The following LTBP2 variants were observed in gnomAD, a reference collection of about 807,000 sequenced individuals.
LTBP2 encodes latent transforming growth factor beta binding protein 2.
A neutral mutation model predicts 210.6 loss-of-function variants in LTBP2; 103 were observed. The observed-to-expected ratio is 0.49, with a 90% CI of 0.42 to 0.58. LTBP2 has a LOEUF of 0.58. LTBP2 is among the 20% of genes least tolerant of loss of function. The pLI, the probability that LTBP2 is intolerant of heterozygous loss-of-function variation, is 0.00. For missense variants in LTBP2, 2,313 were observed against 2,494.5 expected (o/e 0.93, Z 1.55); for synonymous variants, 1,007 against 1,015.0 (o/e 0.99, Z 0.15).
chr14:74,572,322 T>TGTGA (rs1555352299), intron 3 of LTBP2, among the ~76,000 whole-genome samples: 2 of 82,568 alleles, frequency 2.4e-5, no homozygotes, highest in Admixed American at 1.4e-4. Context: ...TGTGTGTGTG[T>TGTGA]GAGAGAGAGA....
chr14:74,592,042 A>ATG (rs2088290376), intron 2 of LTBP2, among the ~76,000 whole-genome samples: 5 of 152,212 alleles, frequency 3.3e-5, no homozygotes, highest in Non-Finnish European at 7.3e-5. Flanking sequence ...ATTTTTGGAA[A>ATG]CATTACTGAT....
chr14:74,513,148 G>A (rs1291686311), intron 18 of LTBP2, among the ~76,000 whole-genome samples: 3 of 152,248 alleles, frequency 2.0e-5, no homozygotes, highest in African/African-American at 7.2e-5. Flanking sequence ...GGGCCCTGAA[G>A]TCTGTCCTGC....
At chr14:74,527,272 C>A in intron 13 of LTBP2, 75 bp downstream of exon 13, 1 of 1,548,530 alleles carries the variant, frequency 6.5e-7, no homozygotes, top group Non-Finnish European at 8.8e-7. Context: ...GAGACACTGC[C>A]CTGGGGCCTG....
At chr14:74,585,711 G>A in intron 3 of LTBP2, 143 bp downstream of exon 3, 1 of 1,340,822 alleles carries the variant, frequency 7.5e-7, no homozygotes, top group Non-Finnish European at 1.0e-6. Context: ...GCCATGCCAG[G>A]GAAAGCCAAG....
At chr14:74,532,681 T>G in intron 9 of LTBP2, 133 bp from the exon 10 acceptor site, 1 of 995,384 alleles carries the variant, frequency 1.0e-6, no homozygotes, top group East Asian at 2.6e-5. Context: ...TTCAGTGGGA[T>G]TCCTCTCCCT....
chr14:74,539,331 GCTTCT>G (rs1289066917), intron 8 of LTBP2, among the ~76,000 whole-genome samples: 7 of 152,176 alleles, frequency 4.6e-5, no homozygotes, highest in Non-Finnish European at 7.3e-5. Flanking sequence ...CTTCCACTGT[GCTTCT>G]CTAAGAGAGA....
At chr14:74,555,785 C>T in intron 3 of LTBP2, 92 bp from the exon 4 acceptor site, 12 of 972,058 alleles carry the variant, frequency 1.2e-5, no homozygotes, top group Non-Finnish European at 1.7e-5. Flanking sequence ...TGCCTTTGCA[C>T]AAGAAAAATG....
Position 74,611,736 on chromosome 14 carries a change from C to T in LTBP2, c.209G>A (p.Ser70Asn), listed in dbSNP as rs1345773991. The T allele has an allele frequency of 6.9e-6, 11 of 1,603,616 alleles. No individual in the cohort carries two copies. The highest frequency in any genetic ancestry group is 9.3e-6 in the Non-Finnish European group (11 of 1,178,788). Residue 70 changes from serine (S) to asparagine (N), a missense_variant, in exon 1 of 36, where the codon AGT (serine) becomes AAT (asparagine). By Grantham distance (46) the Ser-to-Asn change is conservative. Coordinates refer to ENST00000261978, the MANE Select transcript of LTBP2 (RefSeq NM_000428.3). ...AGGCGCGTCCTGCTCCCGGAACAGA[C>T]TGTACACCTTGGCTGCAGCCGCTGC... Reference protein sequence around the residue: ...YPAAAAAKVYSLFREQDAPVA... With the variant: ...YPAAAAAKVYNLFREQDAPVA...
chr14:74,606,774 C>T (rs1275876795), intron 1 of LTBP2, among the ~76,000 whole-genome samples: 4 of 151,908 alleles, frequency 2.6e-5, no homozygotes, highest in African/African-American at 7.3e-5. Context: ...ACCCAGGAGG[C>T]GGAGGCTGCA....
rs144520047 is a variant in LTBP2, at chr14:74,502,918, C to T, written c.4905G>A (p.Leu1635=). The T allele has an allele frequency of 3.1e-6, 5 of 1,612,124 alleles. No homozygotes were observed. The East Asian group carries it at 1.1e-4, about 36-fold the overall frequency. The change falls in exon 34 of 36, where the codon CTG becomes CTA. Residue 1635 remains leucine, a synonymous_variant. Coordinates refer to ENST00000261978, the MANE Select transcript of LTBP2 (RefSeq NM_000428.3). ...PPRSSEVYAQ[L]CNVARIEAER... is the part of the protein sequence containing the mutation. ...CTGCCTCAATGCGAGCCACGTTGCACAGCTGAGCATAGACCTCTGTCAGGG... is the reference window on the plus strand; with the variant it reads ...CTGCCTCAATGCGAGCCACGTTGCATAGCTGAGCATAGACCTCTGTCAGGG...
Position 74,549,851 on chromosome 14 carries a change from TC to T in LTBP2, c.1789+11del. 1.2e-6 allele frequency: 2 copies of T among 1,609,576 alleles called. No individual in the cohort carries two copies. The highest frequency in any genetic ancestry group is 1.7e-6 in the Non-Finnish European group (2 of 1,175,976). On this transcript the variant is annotated intron_variant, in intron 8 of 35. Transcript: ENST00000261978. ...TCCTCCACAACACGTGACCTTGGAC[TC>T]CAGCACTCACCTGGTCTGGGTGGGC...
intron 3 of LTBP2, among the ~76,000 whole-genome samples, chr14:74,564,375 ATATATTTATAT>A: frequency 1.7e-5 from 1 of 59,680 alleles, no homozygotes; most frequent in Non-Finnish European, 3.1e-5. Flanking sequence ...ATTTATATAT[ATATATTTATAT>A]TTTATATATT....
chr14:74,528,599 C>T lies in LTBP2; in HGVS notation c.2252G>A (p.Arg751Lys). Reference protein sequence around the residue: ...MRKAEEEELARPPREQGQRSS... With the variant: ...MRKAEEEELAKPPREQGQRSS... ...CCTCTGCCCTTGCTCCCTTGGGGGC[C>T]TTGCCAGTTCCTCCTCCTCGGCTTT... is the stretch of plus-strand genomic sequence containing the variant. The change falls in exon 12 of 36, where the codon AGG (arginine) becomes AAG (lysine). Residue 751 changes from arginine (R) to lysine (K), a missense_variant. Physicochemically the swap from Arg to Lys is conservative, Grantham distance 26 (BLOSUM62 2). Transcript: ENST00000261978. The T allele has an allele frequency of 6.2e-7, 1 of 1,613,606 alleles. No homozygotes were observed. The highest frequency in any genetic ancestry group is 1.3e-5 in the African/African-American group (1 of 75,066).
chr14:74,508,477 A>C, intron 24 of LTBP2, 127 bp downstream of exon 24: 1 of 1,502,134 alleles, frequency 6.7e-7, no homozygotes, highest in Non-Finnish European at 8.9e-7. Flanking sequence ...ACTTGCTCTC[A>C]GTACTGGTAT....
intron 2 of LTBP2, among the ~76,000 whole-genome samples, chr14:74,590,876 C>G (rs140498170): frequency 6.6e-6 from 1 of 151,700 alleles, no homozygotes; most frequent in Non-Finnish European, 1.5e-5. Context: ...GGAAAAAAAA[C>G]TACATATTGG....
intron 27 of LTBP2, 74 bp downstream of exon 27, chr14:74,506,624 G>A (rs2086989034): frequency 1.9e-6 from 3 of 1,598,944 alleles, no homozygotes; most frequent in Admixed American, 3.3e-5. Flanking sequence ...ACGTGACCAG[G>A]ACCAGTTGAG....
chr14:74,535,984 C>G lies in LTBP2; in HGVS notation c.1806G>C (p.Glu602Asp). The change falls in exon 9 of 36, where the codon GAG becomes GAC. Residue 602 changes from glutamate (E) to aspartate (D), a missense_variant. This residue lies in a region of LTBP2 where 1,867 missense variants were observed against 1,976.9 expected (regional missense o/e 0.94). Transcript: ENST00000261978. ...CCTGAGGACACTCCAGCTGGCCATT[C>G]TCAATCACCGGGGAGGCTGAAGAGT... is the stretch of plus-strand genomic sequence containing the variant. ...CPPRPASPVIENGQLECPQGY... is the reference protein window; with the variant it reads ...CPPRPASPVIDNGQLECPQGY... 1.9e-6 allele frequency: 3 copies of G among 1,614,206 alleles called. No individual in the cohort carries two copies. The highest frequency in any genetic ancestry group is 2.5e-6 in the Non-Finnish European group (3 of 1,180,022).
At chr14:74,574,835 G>A (rs950752360) in intron 3 of LTBP2, among the ~76,000 whole-genome samples, 4 of 152,220 alleles carry the variant, frequency 2.6e-5, no homozygotes, top group African/African-American at 9.6e-5. Flanking sequence ...TGGGCCAGAT[G>A]TCCGCCTTCA....
In LTBP2 at chr14:74,500,932, C is replaced by T. The variant is rs773246040; in HGVS notation, c.5418G>A (p.Pro1806=). The T allele has an allele frequency of 6.2e-6, 10 of 1,614,058 alleles. No individual in the cohort carries two copies. The highest frequency in any genetic ancestry group is 4.0e-5 in the African/African-American group (3 of 74,928). The change falls in exon 36 of 36, where the codon CCG becomes CCA. Residue 1806 remains proline, a synonymous_variant. Transcript: ENST00000261978. The part of the protein sequence containing the change: ...TEGSYRCHCS[P]GYVAEAGPPH... ...GGGGCCCTGCCTCAGCCACATATCC[C>T]GGGGAGCAGTGGCAGCGGTAGGAGC...
Sources: gnomAD v4.1 joint callset for allele counts (sites outside exome capture counted in the v4.1 genomes callset) on GRCh38, gnomAD v4.1.1 for gene constraint, gnomAD v4.1.1 regional missense constraint, MANE v1.5 for transcripts, NCBI Gene and HGNC (gene_info 2026-07-23, HGNC 2026-07-21) for gene names.